ZNF772: variants seen among roughly 807,000 people sequenced by gnomAD.
ZNF772 encodes zinc finger protein 772.
Under a neutral mutation model 11.0 loss-of-function variants are expected in ZNF772, and 8 were observed. The ratio of observed to expected loss-of-function variants is 0.73; its 90% CI spans 0.43 to 1.31. The LOEUF (loss-of-function observed/expected upper bound fraction) is 1.31, where lower values mean the gene tolerates loss of function less well. ZNF772 is among the 50% of genes most tolerant of loss of function. The pLI is 0.01. For missense variants in ZNF772, 496 were observed against 552.3 expected (o/e 0.90, Z 1.02); for synonymous variants, 155 against 180.4 (o/e 0.86, Z 1.13).
rs558006866 is a variant in ZNF772, at chr19:57,475,195, C to T, written c.199+465G>A. The T allele has an allele frequency of 1.9e-6, 3 of 1,602,038 alleles. No homozygotes were observed. The South Asian group carries it at 3.3e-5, about 18-fold the overall frequency. ...TGGTCTGGGTAACCCATATAGAAAA[C>T]TAAATATTATTAAAATAATCTCAGA... On this transcript the variant is annotated intron_variant, in intron 3 of 3. Coordinates refer to ENST00000356584, the MANE Select transcript of ZNF772 (RefSeq NM_001144068.2). The surrounding 1 kb of genome is among the most constrained non-coding windows in gnomAD (Gnocchi z 4.2).
Position 57,475,627 on chromosome 19 carries a change from T to G in ZNF772, c.199+33A>C. The G allele has an allele frequency of 6.2e-7, 1 of 1,612,968 alleles. No homozygotes were observed. Among genetic ancestry groups the G allele is most frequent in the Non-Finnish European group, 8.5e-7 (1 of 1,179,292 alleles). On this transcript the variant is annotated intron_variant, in intron 3 of 3. Coordinates refer to ENST00000356584, the MANE Select transcript of ZNF772 (RefSeq NM_001144068.2). This position sits in a 1 kb window ranked among gnomAD's most constrained non-coding sequence, Gnocchi z 4.2. ...AAAAAAGGGGAAGGGCAGGACCCAG[T>G]CCAAGTCACTGGGGTGGATGTGACG...
chr19:57,476,461 C>T lies in ZNF772; in HGVS notation c.72+173G>A, dbSNP rs760862237. ...TCCAATGGTTGGCAGAAATGGAAACCCCTCCATAAAACCCCTGGCCCGGAG... is the reference window on the plus strand; with the variant it reads ...TCCAATGGTTGGCAGAAATGGAAACTCCTCCATAAAACCCCTGGCCCGGAG... On this transcript the variant is annotated intron_variant, in intron 2 of 3. Transcript: ENST00000356584. 1.1e-4 allele frequency: 81 copies of T among 713,332 alleles called. No homozygotes were observed. The African/African-American group carries it at 1.3e-3, about 11-fold the overall frequency. The allele number at this position is 713,332 out of a possible 1,614,324, so 44.2% of individuals were successfully genotyped here. A position where few individuals can be genotyped will look rare whatever the true frequency, so the allele number is the denominator to read the frequency against.
At chr19:57,476,184 A>G (rs1306490836) in intron 2 of ZNF772, among the ~76,000 whole-genome samples, 1 of 152,148 alleles carries the variant, frequency 6.6e-6, no homozygotes, top group Non-Finnish European at 1.5e-5. Context: ...CAGTTATCTC[A>G]CAACTCTGGC....
rs1432965990 is a variant in ZNF772, at chr19:57,477,477, T to C, written c.-168A>G. 4 of 641,276 alleles carry C rather than the reference T, an allele frequency of 6.2e-6. No individual in the cohort carries two copies. The highest frequency in any genetic ancestry group is 3.8e-5 in the African/African-American group (2 of 53,260). 39.7% of individuals were successfully genotyped at this position (641,276 alleles called of 1,614,324 possible). Reference sequence around the variant, plus strand: ...CTCACGTTTTCCCTTTTCTGTCACCTCAGGTCTGACATTGCGTTCTGGAAA... The same window carrying C: ...CTCACGTTTTCCCTTTTCTGTCACCCCAGGTCTGACATTGCGTTCTGGAAA... On this transcript the variant is annotated 5_prime_UTR_variant, in exon 1 of 4. Coordinates refer to ENST00000356584, the MANE Select transcript of ZNF772 (RefSeq NM_001144068.2).
rs551960013 is a variant in ZNF772, at chr19:57,475,895, T to C, written c.73-109A>G. 6 of 1,403,060 alleles carry C rather than the reference T, an allele frequency of 4.3e-6. No homozygotes were observed. The highest frequency in any genetic ancestry group is 4.7e-5 in the East Asian group (2 of 42,478). 86.9% of individuals were successfully genotyped at this position (1,403,060 alleles called of 1,614,324 possible). A position where few individuals can be genotyped will look rare whatever the true frequency, so the allele number is the denominator to read the frequency against. ...ACACCCTCCTACCTAACTCCTCAAC[T>C]CAGGAAATATCAGGACCAGATGTCA... On this transcript the variant is annotated intron_variant, in intron 2 of 3. Transcript: ENST00000356584. This position sits in a 1 kb window ranked among gnomAD's most constrained non-coding sequence, Gnocchi z 4.2.
chr19:57,473,940 G>C lies in ZNF772; in HGVS notation c.681C>G (p.Cys227Trp). The stretch of plus-strand genomic sequence containing the variant: ...GGCTGAAGGTTTTCCCACATTCACT[G>C]CATTTGTAATGCCTTTTTCCACAGT... ...ASHCGKRHYKCSECGKTFSRK... is the reference protein window; with the variant it reads ...ASHCGKRHYKWSECGKTFSRK... Residue 227 changes from cysteine (C) to tryptophan (W), a missense_variant, in exon 4 of 4, where the codon TGC (cysteine) becomes TGG (tryptophan). Transcript: ENST00000356584. 6.2e-7 allele frequency: 1 copy of C among 1,614,224 alleles called. No homozygotes were observed. Among genetic ancestry groups the C allele is most frequent in the Non-Finnish European group, 8.5e-7 (1 of 1,180,046 alleles).
rs1373003041 is a variant in ZNF772 at position 57,470,096 on chromosome 19, G to C, written c.*3178C>G. 2 of 152,198 alleles carry C rather than the reference G, an allele frequency of 1.3e-5. No homozygotes were observed. The highest frequency in any genetic ancestry group is 4.8e-5 in the African/African-American group (2 of 41,456). 9.4% of individuals were successfully genotyped at this position (152,198 alleles called of 1,614,324 possible). A position where few individuals can be genotyped will look rare whatever the true frequency, so the allele number is the denominator to read the frequency against. On this transcript the variant is annotated 3_prime_UTR_variant, in exon 4 of 4. Transcript: ENST00000356584. The stretch of plus-strand genomic sequence containing the variant: ...ACTAAAATGAAACCACATCGGCTGG[G>C]CTCACGCCTGTAATCCCAGCACTTT...
At position 57,474,496 on chromosome 19, in the gene ZNF772, T is replaced by C. The variant is rs2089260012; in HGVS notation, c.200-75A>G. 8.2e-6 allele frequency: 12 copies of C among 1,460,080 alleles called. No individual in the cohort carries two copies. The South Asian group carries it at 1.6e-4, about 19-fold the overall frequency. The allele number at this position is 1,460,080 out of a possible 1,614,324, so 90.4% of individuals were successfully genotyped here. ...GGGGAAGCCTCACTACAAATATGTG[T>C]CTAACACAACTAAGACCAAGGTCAT... On this transcript the variant is annotated intron_variant, in intron 3 of 3. Transcript: ENST00000356584.
chr19:57,474,930 T>C, intron 3 of ZNF772: 1 of 1,554,882 alleles, frequency 6.4e-7, no homozygotes, highest in Non-Finnish European at 8.8e-7. Context: ...GAAAGGCCAG[T>C]GGCCTTAGCA....
chr19:57,476,669 G>A lies in ZNF772; in HGVS notation c.37C>T (p.Pro13Ser), dbSNP rs1336571909. The A allele has an allele frequency of 2.5e-6, 4 of 1,597,264 alleles. No individual in the cohort carries two copies. The change falls in exon 2 of 4, where the codon CCC (proline) becomes TCC (serine). Residue 13 changes from proline to serine, a missense_variant. Pro to Ser is a moderately conservative substitution (Grantham distance 74). Transcript: ENST00000356584. ...AAEPMGPAQV[P>S]MNSEVIVDPI... ...TCCACAATTACTTCTGAGTTCATGG[G>A]AACCTGTGGGGAAGAGGGAGACTAT...
In ZNF772 at chr19:57,473,661, G is replaced by A. The variant is rs762683065; in HGVS notation, c.960C>T (p.His320=). 6.2e-6 allele frequency: 10 copies of A among 1,612,304 alleles called. No homozygotes were observed. The East Asian group carries it at 1.8e-4, about 29-fold the overall frequency. The change falls in exon 4 of 4, where the codon CAC becomes CAT. Residue 320 remains histidine (H), a synonymous_variant. Coordinates refer to ENST00000356584, the MANE Select transcript of ZNF772 (RefSeq NM_001144068.2). Reference sequence around the variant, plus strand: ...TCTCATGCTGAACAAGTGTAGATTTGTGACTATAGGCTTTCCCACATTCAC... The same window carrying A: ...TCTCATGCTGAACAAGTGTAGATTTATGACTATAGGCTTTCCCACATTCAC... ...KCSECGKAYS[H]KSTLVQHESI...
At position 57,474,589 on chromosome 19, in the gene ZNF772, CTAAA is replaced by C. The variant is rs1405719512; in HGVS notation, c.200-172_200-169del. On this transcript the variant is annotated intron_variant, in intron 3 of 3. Coordinates refer to ENST00000356584, the MANE Select transcript of ZNF772 (RefSeq NM_001144068.2). The stretch of plus-strand genomic sequence containing the variant: ...ATGTGTACTATACGGTAGTTGGCAT[CTAAA>C]TGTCATAGAATGGAGAAGGCCTCAA... 2.0e-5 allele frequency among the ~76,000 whole-genome samples: 3 copies of C among 152,234 alleles called. No homozygotes were observed. The East Asian group carries it at 5.8e-4, about 29-fold the overall frequency.
rs1263989280 is a variant in ZNF772, at chr19:57,473,862, A to G, written c.759T>C (p.Tyr253=). 1 of 1,613,970 alleles carries G rather than the reference A, an allele frequency of 6.2e-7. No homozygotes were observed. Among genetic ancestry groups the G allele is most frequent in the East Asian group, 2.2e-5 (1 of 44,876 alleles). Residue 253 remains tyrosine, a synonymous_variant, in exon 4 of 4, where the codon TAT becomes TAC. Transcript: ENST00000356584. The stretch of plus-strand genomic sequence containing the variant: ...AGGTTTTCCCACATTCACCGCACTC[A>G]TAAGGCCTTTCTCCAGTGTGGACTC... The part of the protein sequence containing the change: ...HQRVHTGERP[Y]ECGECGKTFS...
chr19:57,472,904 C>A lies in ZNF772; in HGVS notation c.*370G>T. Reference sequence around the variant, plus strand: ...GCTCATGCTTAAACCAGTAGTGGGGCAGAAAAAAAGTGAGAATCCTTGATG... The same window carrying A: ...GCTCATGCTTAAACCAGTAGTGGGGAAGAAAAAAAGTGAGAATCCTTGATG... On this transcript the variant is annotated 3_prime_UTR_variant, in exon 4 of 4. Transcript: ENST00000356584. 4.9e-6 allele frequency: 1 copy of A among 205,248 alleles called. No individual in the cohort carries two copies. The allele number at this position is 205,248 out of a possible 1,614,324, so 12.7% of individuals were successfully genotyped here.
rs371065203 is a variant in ZNF772 at position 57,470,612 on chromosome 19, C to T, written c.*2662G>A. 16 of 151,950 alleles carry T rather than the reference C, an allele frequency of 1.1e-4. No homozygotes were observed. Among genetic ancestry groups the T allele is most frequent in the African/African-American group, 3.1e-4 (13 of 41,336 alleles). The allele number at this position is 151,950 out of a possible 1,614,324, so 9.4% of individuals were successfully genotyped here. On this transcript the variant is annotated 3_prime_UTR_variant, in exon 4 of 4. Transcript: ENST00000356584. ...TCAGAAAACAGAAAATTCAATAATACCAAGTACTTTAAGATCAATAAAATT... is the reference window on the plus strand; with the variant it reads ...TCAGAAAACAGAAAATTCAATAATATCAAGTACTTTAAGATCAATAAAATT...
At position 57,475,763 on chromosome 19, in the gene ZNF772, C is replaced by T. The variant is rs1421664102; in HGVS notation, c.96G>A (p.Val32=). 1.2e-6 allele frequency: 2 copies of T among 1,608,368 alleles called. No homozygotes were observed. The highest frequency in any genetic ancestry group is 1.7e-6 in the Non-Finnish European group (2 of 1,176,708). Residue 32 remains valine, a synonymous_variant, in exon 3 of 4, where the codon GTG becomes GTA. Coordinates refer to ENST00000356584, the MANE Select transcript of ZNF772 (RefSeq NM_001144068.2). The surrounding 1 kb of genome is among the most constrained non-coding windows in gnomAD (Gnocchi z 4.2). Reference sequence around the variant, plus strand: ...ACTCCTCCTGGGAGAAGTACACGAACACGTCCTCAAAGTTCACCTGCCCCT... The same window carrying T: ...ACTCCTCCTGGGAGAAGTACACGAATACGTCCTCAAAGTTCACCTGCCCCT... ...PIQGQVNFED[V]FVYFSQEEWV...
chr19:57,476,447 G>A lies in ZNF772; in HGVS notation c.72+187C>T, dbSNP rs75311182. 4.6e-3 allele frequency: 3,038 copies of A among 658,298 alleles called. 74 individuals carry two copies. In the African/African-American group the frequency reaches 0.049, roughly 11 times the overall value. The allele number at this position is 658,298 out of a possible 1,614,324, so 40.8% of individuals were successfully genotyped here. On this transcript the variant is annotated intron_variant, in intron 2 of 3. Coordinates refer to ENST00000356584, the MANE Select transcript of ZNF772 (RefSeq NM_001144068.2). ...CCTTCCAACCTTATTCCAATGGTTG[G>A]CAGAAATGGAAACCCCTCCATAAAA...
chr19:57,471,983 T>C lies in ZNF772; in HGVS notation c.*1291A>G, dbSNP rs1230759515. 3.1e-6 allele frequency: 1 copy of C among 318,738 alleles called. No individual in the cohort carries two copies. The allele number at this position is 318,738 out of a possible 1,614,324, so 19.7% of individuals were successfully genotyped here. On this transcript the variant is annotated 3_prime_UTR_variant, in exon 4 of 4. Coordinates refer to ENST00000356584, the MANE Select transcript of ZNF772 (RefSeq NM_001144068.2). ...TTTTGGTTTGAGAAGTGCCAACATG[T>C]ATCAAAACTTATCAAATGGTACACT...
Position 57,475,917 on chromosome 19 carries a change from G to T in ZNF772, c.73-131C>A. 1.6e-6 allele frequency: 2 copies of T among 1,275,554 alleles called. No homozygotes were observed. Among genetic ancestry groups the T allele is most frequent in the Non-Finnish European group, 2.2e-6 (2 of 926,388 alleles). 79.0% of individuals were successfully genotyped at this position (1,275,554 alleles called of 1,614,324 possible). A position where few individuals can be genotyped will look rare whatever the true frequency, so the allele number is the denominator to read the frequency against. On this transcript the variant is annotated intron_variant, in intron 2 of 3. Coordinates refer to ENST00000356584, the MANE Select transcript of ZNF772 (RefSeq NM_001144068.2). The surrounding 1 kb of genome is among the most constrained non-coding windows in gnomAD (Gnocchi z 4.2). ...AACTCAGGAAATATCAGGACCAGAT[G>T]TCATTGGTGTCTTCTCTCGCCTCAT...
Sources: allele counts gnomAD v4.1 joint callset (sites outside exome capture counted in the v4.1 genomes callset), GRCh38; gene constraint gnomAD v4.1.1; non-coding constraint Gnocchi (gnomAD v3.1); transcripts MANE v1.5; gene names NCBI Gene and HGNC (gene_info 2026-07-23, HGNC 2026-07-21).